The following GAB2 variants were observed in gnomAD, a reference collection of about 807,000 sequenced individuals.
The protein encoded by GAB2 is GRB2-associated-binding protein 2.
A neutral mutation model predicts 65.5 loss-of-function variants in GAB2; 26 were observed. That is an observed-to-expected ratio of 0.40 (90% CI 0.29 to 0.55). The LOEUF is 0.55. Among genes scored for constraint, GAB2 ranks in the 20% least tolerant of loss-of-function variants. The pLI, the probability that GAB2 is intolerant of heterozygous loss-of-function variation, is 0.53. For synonymous variants in GAB2, 321 were observed against 329.6 expected, an observed-to-expected ratio of 0.97 and a Z score of 0.28; for missense variants, 884 against 875.8, an observed-to-expected ratio of 1.01 and a Z score of -0.12.
chr11:78,411,728 T>G (rs1857131286), intron 1 of GAB2, among the ~76,000 whole-genome samples: 1 of 151,140 alleles, frequency 6.6e-6, no homozygotes, highest in South Asian at 2.1e-4. Context: ...CTGTAAAATG[T>G]GTAGAAAAAA....
intron 1 of GAB2, among the ~76,000 whole-genome samples, chr11:78,309,971 T>TGTGTGTGTGCGCGC (rs1421836447): frequency 2.5e-5 from 3 of 120,090 alleles, no homozygotes; most frequent in African/African-American, 1.1e-4. Context: ...TGTGTGTGTG[T>TGTGTGTGTGCGCGC]GCGCGCGCGC....
intron 3 of GAB2, among the ~76,000 whole-genome samples, chr11:78,239,239 G>C (rs1341711457): frequency 6.6e-6 from 1 of 151,762 alleles, no homozygotes; most frequent in Non-Finnish European, 1.5e-5. Context: ...GTATTTTTTT[G>C]AGATAGAGTC....
intron 1 of GAB2, among the ~76,000 whole-genome samples, chr11:78,283,586 C>T (rs556341381): frequency 6.6e-6 from 1 of 152,144 alleles, no homozygotes; most frequent in African/African-American, 2.4e-5. Flanking sequence ...TCAGGCTATC[C>T]CCCATCCCCC....
intron 1 of GAB2, among the ~76,000 whole-genome samples, chr11:78,376,987 AC>A (rs1856639463): frequency 6.6e-6 from 1 of 151,944 alleles, no homozygotes; most frequent in Non-Finnish European, 1.5e-5. Context: ...ACCTCCTGCC[AC>A]CCCGACTCTC....
intron 1 of GAB2, among the ~76,000 whole-genome samples, chr11:78,347,114 C>G (rs1362714875): frequency 1.3e-5 from 2 of 151,914 alleles, no homozygotes; most frequent in African/African-American, 4.8e-5. Flanking sequence ...TCTGATGGAC[C>G]AGCTATAAAA....
At chr11:78,354,003 G>A (rs781057677) in intron 1 of GAB2, among the ~76,000 whole-genome samples, 15 of 152,234 alleles carry the variant, frequency 9.9e-5, no homozygotes, top group African/African-American at 3.4e-4. Flanking sequence ...GGGGGCCTGA[G>A]AATTTGCATT....
In GAB2 at chr11:78,222,030, C is replaced by T. The variant is rs572652209; in HGVS notation, c.1658+75G>A. 3.1e-5 allele frequency: 30 copies of T among 965,532 alleles called. No individual in the cohort carries two copies. In the East Asian group the frequency reaches 6.7e-4, roughly 22 times the overall value. The allele number at this position is 965,532 out of a possible 1,614,324, so 59.8% of individuals were successfully genotyped here. ...ATCAGAATCCAGCTGTCCCGGCCCA[C>T]AGGCCAGCTACCACATCACTCATTT... is the stretch of plus-strand genomic sequence containing the variant. On this transcript the variant is annotated intron_variant, in intron 7 of 9. Transcript: ENST00000361507.
At chr11:78,245,664 T>A (rs1052919968) in intron 3 of GAB2, among the ~76,000 whole-genome samples, 1 of 152,214 alleles carries the variant, frequency 6.6e-6, no homozygotes, top group African/African-American at 2.4e-5. Context: ...CTAACACTTA[T>A]ACATATTTTA....
intron 1 of GAB2, among the ~76,000 whole-genome samples, chr11:78,329,913 G>A (rs990211115): frequency 6.6e-6 from 1 of 152,234 alleles, no homozygotes; most frequent in Non-Finnish European, 1.5e-5. Context: ...TTTGTTTGCA[G>A]GCAGTCTGCC....
chr11:78,215,547 CAA>C lies in GAB2; in HGVS notation c.*3723_*3724del, dbSNP rs1403770970. 2.0e-5 allele frequency: 3 copies of C among 152,562 alleles called. No individual in the cohort carries two copies. The highest frequency in any genetic ancestry group is 4.4e-5 in the Non-Finnish European group (3 of 68,036). 9.5% of individuals were successfully genotyped at this position (152,562 alleles called of 1,614,324 possible). ...ATGTCAATTTTAAATGGTAACAAGACAAGAACTCAAGACTGGGCTTCCACTAG... is the reference window on the plus strand; with the variant it reads ...ATGTCAATTTTAAATGGTAACAAGACGAACTCAAGACTGGGCTTCCACTAG... On this transcript the variant is annotated 3_prime_UTR_variant, in exon 10 of 10. Coordinates refer to ENST00000361507, the MANE Select transcript of GAB2 (RefSeq NM_080491.3).
At chr11:78,341,342 G>A (rs1021136880) in intron 1 of GAB2, among the ~76,000 whole-genome samples, 6 of 152,158 alleles carry the variant, frequency 3.9e-5, no homozygotes, top group South Asian at 2.1e-4. Context: ...GAATGACAAC[G>A]AGATATATTT....
Position 78,219,036 on chromosome 11 carries a change from A to C in GAB2, c.*236T>G. 1 of 508,464 alleles carries C rather than the reference A, an allele frequency of 2.0e-6. No homozygotes were observed. Among genetic ancestry groups the C allele is most frequent in the Non-Finnish European group, 3.5e-6 (1 of 286,062 alleles). 31.5% of individuals were successfully genotyped at this position (508,464 alleles called of 1,614,324 possible). On this transcript the variant is annotated 3_prime_UTR_variant, in exon 10 of 10. Coordinates refer to ENST00000361507, the MANE Select transcript of GAB2 (RefSeq NM_080491.3). ...GCTCCTAACTAAGGTGGGTGGAGGC[A>C]TGGCCATTACTGATAAAAATCACAG...
At chr11:78,354,832 T>C (rs577042611) in intron 1 of GAB2, among the ~76,000 whole-genome samples, 1 of 152,292 alleles carries the variant, frequency 6.6e-6, no homozygotes, top group African/African-American at 2.4e-5. Context: ...GCTAGTCTTT[T>C]CCTTAATGCT....
chr11:78,312,818 A>G (rs1410062997), intron 1 of GAB2, among the ~76,000 whole-genome samples: 1 of 152,222 alleles, frequency 6.6e-6, no homozygotes, highest in Non-Finnish European at 1.5e-5. Flanking sequence ...CGACAAAGCA[A>G]GGACTTATGA....
rs755125924 is a variant in GAB2 at position 78,417,758 on chromosome 11, G to T, written c.-38C>A. On this transcript the variant is annotated 5_prime_UTR_variant, in exon 1 of 10. Coordinates refer to ENST00000361507, the MANE Select transcript of GAB2 (RefSeq NM_080491.3). ...GAGCCCCCCGCCGGGTCGCGCGGACGAGGGCGCGGGCTCGGGCAGCTGGGG... is the reference window on the plus strand; with the variant it reads ...GAGCCCCCCGCCGGGTCGCGCGGACTAGGGCGCGGGCTCGGGCAGCTGGGG... 2.3e-5 allele frequency: 26 copies of T among 1,131,910 alleles called. No individual in the cohort carries two copies. The East Asian group carries it at 6.6e-4, about 29-fold the overall frequency. 70.1% of individuals were successfully genotyped at this position (1,131,910 alleles called of 1,614,324 possible).
At chr11:78,319,803 C>T (rs1855686562) in intron 1 of GAB2, among the ~76,000 whole-genome samples, 2 of 151,978 alleles carry the variant, frequency 1.3e-5, no homozygotes, top group Non-Finnish European at 2.9e-5. Flanking sequence ...GAGGATACAG[C>T]AGTAAACAAA....
chr11:78,397,364 G>C (rs1353691429), intron 1 of GAB2, among the ~76,000 whole-genome samples: 1 of 152,194 alleles, frequency 6.6e-6, no homozygotes, highest in Non-Finnish European at 1.5e-5. Flanking sequence ...ACAAGAACAT[G>C]AACAAAGGGC....
intron 1 of GAB2, among the ~76,000 whole-genome samples, chr11:78,390,711 C>T (rs142477434): frequency 8.5e-5 from 13 of 152,194 alleles, no homozygotes; most frequent in African/African-American, 2.6e-4. Context: ...CACATCACTC[C>T]GAAAGACAGA....
chr11:78,366,125 A>T (rs1177451713), intron 1 of GAB2, among the ~76,000 whole-genome samples: 1 of 152,250 alleles, frequency 6.6e-6, no homozygotes, highest in East Asian at 1.9e-4. Context: ...ACTCAATTCA[A>T]TGCAAACATT....
Sources: gnomAD v4.1 joint callset for allele counts (sites outside exome capture counted in the v4.1 genomes callset) on GRCh38, gnomAD v4.1.1 for gene constraint, MANE v1.5 for transcripts, NCBI Gene and HGNC (gene_info 2026-07-23, HGNC 2026-07-21) for gene names.